ARHGEF10: variants seen among roughly 807,000 people sequenced by gnomAD.
ARHGEF10 encodes Rho guanine nucleotide exchange factor (GEF) 10.
In ARHGEF10, 140 loss-of-function variants were observed where a neutral mutation model predicts 147.4. The observed-to-expected ratio is 0.95, with a 90% CI of 0.83 to 1.09. ARHGEF10 has a LOEUF of 1.09. ARHGEF10 is among the 50% of genes least tolerant of loss of function. The pLI is 0.00. For synonymous variants in ARHGEF10, 902 were observed against 695.8 expected, an observed-to-expected ratio of 1.30 and a Z score of -4.67; for missense variants, 2,222 against 1,752.7, an observed-to-expected ratio of 1.27 and a Z score of -4.78.
At chr8:1,946,169 A>C (rs1448309735) in intron 27 of ARHGEF10, among the ~76,000 whole-genome samples, 2 of 152,200 alleles carry the variant, frequency 1.3e-5, no homozygotes, top group Non-Finnish European at 2.9e-5. Context: ...GGATCATCCT[A>C]CAACAGGATG....
chr8:1,895,951 T>G (rs1809937752), intron 13 of ARHGEF10, among the ~76,000 whole-genome samples: 1 of 152,162 alleles, frequency 6.6e-6, no homozygotes, highest in African/African-American at 2.4e-5. Flanking sequence ...CTCAGGATAT[T>G]GGGCCCACCA....
chr8:1,896,693 C>A (rs1810001316), intron 14 of ARHGEF10, among the ~76,000 whole-genome samples: 1 of 152,182 alleles, frequency 6.6e-6, no homozygotes, highest in South Asian at 2.1e-4. Context: ...AAAATCAGAT[C>A]CCCAAAAAAG....
chr8:1,854,551 G>T (rs1805403507), intron 2 of ARHGEF10, among the ~76,000 whole-genome samples: 1 of 139,736 alleles, frequency 7.2e-6, no homozygotes, highest in Non-Finnish European at 1.7e-5. Flanking sequence ...CTCCGCCAGT[G>T]TCTGCCAGTC....
At chr8:1,834,651 T>A (rs926120649) in intron 1 of ARHGEF10, among the ~76,000 whole-genome samples, 1 of 152,158 alleles carries the variant, frequency 6.6e-6, no homozygotes, top group African/African-American at 2.4e-5. Context: ...CTGGAAACAT[T>A]CAGTGGAAAG....
intron 1 of ARHGEF10, among the ~76,000 whole-genome samples, chr8:1,834,365 T>G (rs1803455919): frequency 6.6e-6 from 1 of 152,138 alleles, no homozygotes; most frequent in South Asian, 2.1e-4. Flanking sequence ...GGAGACGGTC[T>G]CAGTCCGAGG....
chr8:1,854,623 G>T (rs943567602), intron 2 of ARHGEF10, among the ~76,000 whole-genome samples: 3 of 152,116 alleles, frequency 2.0e-5, no homozygotes, highest in African/African-American at 7.2e-5. Context: ...GCCCCTCCAA[G>T]TCTAAACTAA....
chr8:1,863,324 T>C (rs1188388060), intron 4 of ARHGEF10, among the ~76,000 whole-genome samples: 1 of 152,334 alleles, frequency 6.6e-6, no homozygotes, highest in African/African-American at 2.4e-5. Context: ...GTGTGGCAGC[T>C]CCTGGTGTGA....
intron 27 of ARHGEF10, among the ~76,000 whole-genome samples, chr8:1,947,914 C>G (rs568011986): frequency 6.6e-5 from 10 of 152,044 alleles, no homozygotes; most frequent in Admixed American, 5.9e-4. Flanking sequence ...TGCTTCCCTC[C>G]AAGCATAGAG....
At chr8:1,876,545 T>A in intron 7 of ARHGEF10, 26 bp from the exon 8 acceptor site, 1 of 1,612,806 alleles carries the variant, frequency 6.2e-7, no homozygotes, top group Non-Finnish European at 8.5e-7. Flanking sequence ...AAAGTTTTAA[T>A]TTCATTTTGG....
chr8:1,843,485 C>G (rs1415594441), intron 2 of ARHGEF10, 49 bp downstream of exon 2: 10 of 1,435,944 alleles, frequency 7.0e-6, no homozygotes, highest in Admixed American at 1.7e-5. Flanking sequence ...TGCTGCTGCT[C>G]TCATCAAGGA....
intron 25 of ARHGEF10, among the ~76,000 whole-genome samples, chr8:1,930,387 G>C (rs964206783): frequency 2.8e-4 from 43 of 152,034 alleles, no homozygotes; most frequent in African/African-American, 1.0e-3. Context: ...CCCAGCTCCC[G>C]CCTGGATGGC....
chr8:1,906,931 T>C (rs1273407684), intron 17 of ARHGEF10, among the ~76,000 whole-genome samples: 2 of 152,212 alleles, frequency 1.3e-5, no homozygotes, highest in Non-Finnish European at 2.9e-5. Flanking sequence ...ATGACACTCC[T>C]TCTTGTAAGA....
intron 8 of ARHGEF10, among the ~76,000 whole-genome samples, chr8:1,877,390 GC>G (rs1202896336): frequency 1.3e-5 from 2 of 152,030 alleles, no homozygotes; most frequent in Non-Finnish European, 2.9e-5. Context: ...ATGACTCCTA[GC>G]TAATTTTCGT....
At position 1,869,360 on chromosome 8, in the gene ARHGEF10, T is replaced by A. The variant is rs61746604; in HGVS notation, c.679+110T>A. ...GCCCAGACGTTTTCTGTATTCATGT[T>A]TTGTATGTTGCTTCTAGAATGGCTT... On this transcript the variant is annotated intron_variant, in intron 7 of 28. Coordinates refer to ENST00000349830, the MANE Select transcript of ARHGEF10 (RefSeq NM_014629.4). 1.2e-3 allele frequency: 1,093 copies of A among 919,816 alleles called. 8 individuals are homozygous for A. In the African/African-American group the frequency reaches 0.015, roughly 12 times the overall value. The allele number at this position is 919,816 out of a possible 1,614,324, so 57.0% of individuals were successfully genotyped here.
chr8:1,887,771 G>A (rs1585398764), intron 11 of ARHGEF10, among the ~76,000 whole-genome samples: 1 of 143,312 alleles, frequency 7.0e-6, no homozygotes, highest in African/African-American at 2.6e-5. Flanking sequence ...TGGGGTGAGG[G>A]TTGTGATGAG....
In ARHGEF10 at chr8:1,952,776, G is replaced by C; in HGVS notation, c.3469G>C (p.Val1157Leu). The change falls in exon 28 of 29, where the codon GTC (valine) becomes CTC (leucine). Residue 1157 changes from valine to leucine, a missense_variant. Coordinates refer to ENST00000349830, the MANE Select transcript of ARHGEF10 (RefSeq NM_014629.4). ...GLLMVGTSLG[V>L]LVALPVPRLQ... ...GCTGATGGTCGGCACCAGCCTGGGAGTCCTCGTGGCCCTGCCGGTCCCACG... is the reference window on the plus strand; with the variant it reads ...GCTGATGGTCGGCACCAGCCTGGGACTCCTCGTGGCCCTGCCGGTCCCACG... The C allele has an allele frequency of 6.2e-7, 1 of 1,613,646 alleles. No individual in the cohort carries two copies. The highest frequency in any genetic ancestry group is 8.5e-7 in the Non-Finnish European group (1 of 1,180,050).
At chr8:1,956,599 G>T in intron 28 of ARHGEF10, 150 bp from the exon 29 acceptor site, 2 of 743,932 alleles carry the variant, frequency 2.7e-6, no homozygotes, top group Non-Finnish European at 4.6e-6. Flanking sequence ...TATTTTCATC[G>T]TAGCTTATTA....
chr8:1,852,022 C>G (rs2129062315), intron 2 of ARHGEF10, among the ~76,000 whole-genome samples: 1 of 152,194 alleles, frequency 6.6e-6, no homozygotes, highest in South Asian at 2.1e-4. Context: ...CTCTCAGGCT[C>G]AGACAGGCCG....
intron 3 of ARHGEF10, 121 bp downstream of exon 3, chr8:1,858,236 G>A (rs910236210): frequency 1.1e-6 from 1 of 907,720 alleles, no homozygotes; most frequent in Admixed American, 3.0e-5. Flanking sequence ...GAGTCCCCAG[G>A]TGGGTCCCCA....
Sources: allele counts gnomAD v4.1 joint callset (sites outside exome capture counted in the v4.1 genomes callset), GRCh38; gene constraint gnomAD v4.1.1; transcripts MANE v1.5; gene names NCBI Gene and HGNC (gene_info 2026-07-23, HGNC 2026-07-21).